Variants in SEMA6A observed in about 807,000 individuals in gnomAD.
SEMA6A encodes semaphorin 6A.
Under a neutral mutation model 96.8 loss-of-function variants are expected in SEMA6A, and 25 were observed. The ratio of observed to expected loss-of-function variants is 0.26; its 90% confidence interval spans 0.19 to 0.36. The LOEUF (loss-of-function observed/expected upper bound fraction) is 0.36, where lower values mean the gene tolerates loss of function less well. Ranked by LOEUF, SEMA6A falls within the 10% of genes least tolerant of loss-of-function variation. The pLI is 1.00. For missense variants in SEMA6A, 1,363 were observed against 1,323.1 expected (o/e 1.03, Z -0.47); for synonymous variants, 612 against 518.0 (o/e 1.18, Z -2.46).
At chr5:116,572,024 A>G (rs969202653) in intron 1 of SEMA6A, among the ~76,000 whole-genome samples, 10 of 152,188 alleles carry the variant, frequency 6.6e-5, no homozygotes, top group African/African-American at 2.4e-4. Flanking sequence ...AGATGTGTCC[A>G]CCAGGGGAAG....
At chr5:116,538,910 C>T (rs1391818900) in intron 1 of SEMA6A, among the ~76,000 whole-genome samples, 3 of 151,944 alleles carry the variant, frequency 2.0e-5, no homozygotes, top group Non-Finnish European at 2.9e-5. Context: ...GTTTTCTTTT[C>T]CTTCTTTGCC....
chr5:116,490,964 G>T (rs1412048271), intron 7 of SEMA6A, among the ~76,000 whole-genome samples: 32 of 152,130 alleles, frequency 2.1e-4, no homozygotes, highest in Admixed American at 2.1e-3. Flanking sequence ...TGAAAATGAT[G>T]GTCTGTTTGC....
At chr5:116,454,579 G>T (rs1468537878) in intron 18 of SEMA6A, among the ~76,000 whole-genome samples, 1 of 152,062 alleles carries the variant, frequency 6.6e-6, no homozygotes, top group South Asian at 2.1e-4. Flanking sequence ...ACCCTAACTG[G>T]AGACAATTTA....
intron 11 of SEMA6A, among the ~76,000 whole-genome samples, chr5:116,482,045 TA>T (rs1365645657): frequency 3.9e-5 from 6 of 152,208 alleles, no homozygotes; most frequent in African/African-American, 1.4e-4. Context: ...TTTCATATTT[TA>T]TTTGGGTTTA....
intron 6 of SEMA6A, among the ~76,000 whole-genome samples, chr5:116,493,956 C>A (rs1757455961): frequency 6.6e-6 from 1 of 152,124 alleles, no homozygotes; most frequent in Non-Finnish European, 1.5e-5. Context: ...ACTCCCCCAA[C>A]CCCCAACCCC....
chr5:116,551,707 C>T (rs1310421489), intron 1 of SEMA6A, among the ~76,000 whole-genome samples: 1 of 152,152 alleles, frequency 6.6e-6, no homozygotes, highest in Non-Finnish European at 1.5e-5. Context: ...TCTTTTCATT[C>T]CCACCCACCA....
chr5:116,528,804 G>T (rs1475304844), intron 1 of SEMA6A, among the ~76,000 whole-genome samples: 3 of 152,308 alleles, frequency 2.0e-5, no homozygotes, highest in Middle Eastern at 3.4e-3. Context: ...GACTGCTGTG[G>T]CTCTATAATT....
chr5:116,555,441 T>C (rs1357223132), intron 1 of SEMA6A, among the ~76,000 whole-genome samples: 1 of 152,192 alleles, frequency 6.6e-6, no homozygotes, highest in Admixed American at 6.5e-5. Context: ...TGACTCAATC[T>C]GAAAATTCAG....
At chr5:116,506,768 G>A (rs1473555998) in intron 1 of SEMA6A, among the ~76,000 whole-genome samples, 2 of 152,148 alleles carry the variant, frequency 1.3e-5, no homozygotes, top group Non-Finnish European at 2.9e-5. Flanking sequence ...TATTGCCTCA[G>A]AGAATTTGCA....
At chr5:116,491,653 G>A (rs573308446) in intron 7 of SEMA6A, 87 bp downstream of exon 7, 23 of 950,026 alleles carry the variant, frequency 2.4e-5, no homozygotes, top group Admixed American at 7.1e-5. Flanking sequence ...GCACAACTGT[G>A]ACTCCACGAA....
chr5:116,464,409 C>G (rs1407982187), intron 18 of SEMA6A, among the ~76,000 whole-genome samples: 2 of 152,158 alleles, frequency 1.3e-5, no homozygotes, highest in East Asian at 3.9e-4. Context: ...GGACAAGAGA[C>G]ATTAGACAAG....
intron 16 of SEMA6A, 29 bp downstream of exon 16, chr5:116,475,516 G>A (rs761945126): frequency 1.3e-6 from 2 of 1,533,910 alleles, no homozygotes; most frequent in South Asian, 2.4e-5. Flanking sequence ...TTTGCCCAAA[G>A]ATAAAAATGG....
chr5:116,480,031 T>C, intron 12 of SEMA6A, 91 bp downstream of exon 12: 2 of 1,442,752 alleles, frequency 1.4e-6, no homozygotes, highest in Non-Finnish European at 1.9e-6. Context: ...AGAAGATGTT[T>C]GTGGCATTTC....
At chr5:116,473,350 C>A (rs78880168) in intron 16 of SEMA6A, among the ~76,000 whole-genome samples, 1 of 152,230 alleles carries the variant, frequency 6.6e-6, no homozygotes, top group East Asian at 1.9e-4. Context: ...CAAGAGTTGG[C>A]AGACGAAATG....
chr5:116,508,630 A>C (rs182797948), intron 1 of SEMA6A, among the ~76,000 whole-genome samples: 104 of 152,286 alleles, frequency 6.8e-4, no homozygotes, highest in African/African-American at 2.4e-3. Flanking sequence ...CAACTAAATT[A>C]GCAATATTGA....
At chr5:116,487,948 G>A (rs548920886) in intron 9 of SEMA6A, among the ~76,000 whole-genome samples, 160 bp downstream of exon 9, 8 of 152,234 alleles carry the variant, frequency 5.3e-5, no homozygotes, top group African/African-American at 1.7e-4. Context: ...AATTTCCTGC[G>A]ATTTCGTTAC....
At chr5:116,521,868 G>A (rs1422533867) in intron 1 of SEMA6A, among the ~76,000 whole-genome samples, 1 of 151,966 alleles carries the variant, frequency 6.6e-6, no homozygotes, top group African/African-American at 2.4e-5. Flanking sequence ...TAGATTAGTT[G>A]TTATACACCA....
At chr5:116,458,334 T>C (rs1391347911) in intron 18 of SEMA6A, among the ~76,000 whole-genome samples, 3 of 152,210 alleles carry the variant, frequency 2.0e-5, no homozygotes, top group Non-Finnish European at 2.9e-5. Flanking sequence ...CCCGTAGTCC[T>C]TGAAAGTTCC....
intron 1 of SEMA6A, among the ~76,000 whole-genome samples, chr5:116,538,450 C>G (rs1011780056): frequency 2.0e-5 from 3 of 152,300 alleles, no homozygotes; most frequent in East Asian, 1.9e-4. Context: ...CCTGAGATGA[C>G]AGACTCACGT....
Sources: allele counts gnomAD v4.1 joint callset (sites outside exome capture counted in the v4.1 genomes callset), GRCh38; gene constraint gnomAD v4.1.1; transcripts MANE v1.5; gene names NCBI Gene and HGNC (gene_info 2026-07-23, HGNC 2026-07-21).